EIF2B3: variants seen among roughly 807,000 people sequenced by gnomAD.
The protein encoded by EIF2B3 is translation initiation factor eIF2B subunit gamma.
EIF2B3 carries 20 observed loss-of-function variants against 54.1 expected under a neutral mutation model. That is an observed-to-expected ratio of 0.37 (90% CI 0.26 to 0.54). The LOEUF (loss-of-function observed/expected upper bound fraction) is 0.54. EIF2B3 is among the 20% of genes least tolerant of loss of function. The pLI, the probability that EIF2B3 is intolerant of heterozygous loss-of-function variation, is 0.86. For synonymous variants in EIF2B3, 153 were observed against 188.1 expected, an observed-to-expected ratio of 0.81 and a Z score of 1.52; for missense variants, 448 against 547.8, an observed-to-expected ratio of 0.82 and a Z score of 1.82.
chr1:44,942,981 G>A (rs935729268), intron 3 of EIF2B3, among the ~76,000 whole-genome samples: 1 of 151,586 alleles, frequency 6.6e-6, no homozygotes, highest in Admixed American at 6.6e-5. Context: ...TCAGCCTCCT[G>A]AGTAGCTGGG....
At chr1:44,916,263 C>T (rs1323248018) in intron 5 of EIF2B3, among the ~76,000 whole-genome samples, 1 of 151,998 alleles carries the variant, frequency 6.6e-6, no homozygotes, top group African/African-American at 2.4e-5. Context: ...TCTCTGTTGT[C>T]CAGGCTAGAG....
rs576192741 is a variant in EIF2B3, at chr1:44,941,674, T to C, written c.295-9A>G. ...AGCACCAGCACATCTGTCTGTTAAA[T>C]GGAGATGGGAAAAGTCAATATCATA... On this transcript the variant is annotated splice_polypyrimidine_tract_variant and intron_variant, in intron 3 of 11. Coordinates refer to ENST00000360403, the MANE Select transcript of EIF2B3 (RefSeq NM_020365.5). 21 of 1,614,094 alleles carry C rather than the reference T, an allele frequency of 1.3e-5. No individual in the cohort carries two copies. Among genetic ancestry groups the C allele is most frequent in the Non-Finnish European group, 1.7e-5 (20 of 1,180,020 alleles).
chr1:44,857,526 C>T (rs918699017), intron 11 of EIF2B3, among the ~76,000 whole-genome samples, 178 bp downstream of exon 11: 31 of 146,404 alleles, frequency 2.1e-4, no homozygotes, highest in African/African-American at 7.8e-4. Context: ...AGTGAAACTC[C>T]GAAAAAAAAA....
chr1:44,859,232 T>C (rs1233022858), intron 10 of EIF2B3, among the ~76,000 whole-genome samples: 1 of 151,992 alleles, frequency 6.6e-6, no homozygotes, highest in Non-Finnish European at 1.5e-5. Flanking sequence ...GCAAAGGAGG[T>C]AGAGGCTGCA....
intron 3 of EIF2B3, among the ~76,000 whole-genome samples, chr1:44,965,204 T>C (rs1417236727): frequency 6.6e-6 from 1 of 152,234 alleles, no homozygotes; most frequent in East Asian, 1.9e-4. Flanking sequence ...ACAAGGATAC[T>C]ACATGAGTCC....
At chr1:44,927,194 A>AC (rs1335006865) in intron 4 of EIF2B3, among the ~76,000 whole-genome samples, 1 of 152,046 alleles carries the variant, frequency 6.6e-6, no homozygotes, top group Non-Finnish European at 1.5e-5. Flanking sequence ...GCGTTAGGCC[A>AC]TTTTGCGTTA....
chr1:44,962,300 G>T (rs1292871775), intron 3 of EIF2B3, among the ~76,000 whole-genome samples: 1 of 151,788 alleles, frequency 6.6e-6, no homozygotes, highest in Non-Finnish European at 1.5e-5. Context: ...GTAAACTTAG[G>T]GCTTGTTGGA....
rs1279603294 is a variant in EIF2B3, at chr1:44,869,492, TTTA to T, written c.1202+5183_1202+5185del. Among the ~76,000 whole-genome samples, 590 of 150,916 alleles carry T rather than the reference TTTA, an allele frequency of 3.9e-3. 2 individuals are homozygous for T. The highest frequency in any genetic ancestry group is 0.013 in the African/African-American group (519 of 40,962). On this transcript the variant is annotated intron_variant, in intron 10 of 11. Coordinates refer to ENST00000360403, the MANE Select transcript of EIF2B3 (RefSeq NM_020365.5). ...GACTATCTCGGAAAAAAAAAAAAGCTTTATATTTACTAACTAATTTAGTACTCC... is the reference window on the plus strand; with the variant it reads ...GACTATCTCGGAAAAAAAAAAAAGCTTATTTACTAACTAATTTAGTACTCC...
chr1:44,919,883 C>CTTTTTTTTTTTTTTTTTTTTTT (rs1194645004), intron 5 of EIF2B3, among the ~76,000 whole-genome samples: 2 of 117,240 alleles, frequency 1.7e-5, no homozygotes, highest in Admixed American at 8.9e-5. Context: ...TGCCTGGCTA[C>CTTTTTTTTTTTTTTTTTTTTTT]TTTTTTTTTT....
intron 4 of EIF2B3, among the ~76,000 whole-genome samples, chr1:44,928,807 A>G (rs1643874753): frequency 6.6e-6 from 1 of 152,222 alleles, no homozygotes; most frequent in Admixed American, 6.5e-5. Context: ...GTACAGTGTT[A>G]CATACTTAAT....
intron 3 of EIF2B3, chr1:44,958,743 C>T (rs1644254217): frequency 2.2e-5 from 34 of 1,564,484 alleles, no homozygotes; most frequent in Middle Eastern, 1.7e-4. Context: ...AGATATTGTC[C>T]GCACAGAACT....
At chr1:44,862,262 A>G (rs1654632753) in intron 10 of EIF2B3, among the ~76,000 whole-genome samples, 1 of 152,228 alleles carries the variant, frequency 6.6e-6, no homozygotes, top group African/African-American at 2.4e-5. Flanking sequence ...GACGCTGCTC[A>G]GTGATGGCTA....
chr1:44,898,586 G>C (rs1051740519), intron 5 of EIF2B3, among the ~76,000 whole-genome samples: 1 of 151,918 alleles, frequency 6.6e-6, no homozygotes, highest in Non-Finnish European at 1.5e-5. Flanking sequence ...ACAGGGAAGG[G>C]GAGTATGGTT....
intron 3 of EIF2B3, among the ~76,000 whole-genome samples, chr1:44,946,973 C>T (rs1644109482): frequency 6.6e-6 from 1 of 152,196 alleles, no homozygotes; most frequent in South Asian, 2.1e-4. Context: ...TGTGAAGCAA[C>T]TGTGTGTCAG....
chr1:44,950,012 A>AT lies in EIF2B3; in HGVS notation c.295-8348dup, dbSNP rs546912422. On this transcript the variant is annotated intron_variant, in intron 3 of 11. Transcript: ENST00000360403. ...TATGCAATTTAATTTTCATCTCTAA[A>AT]TGCACTGACTTGGAATAGAAAAAAA... Among the ~76,000 whole-genome samples the AT allele has an allele frequency of 1.5e-4, 23 of 152,292 alleles. No homozygotes were observed. In the South Asian group the frequency reaches 4.8e-3, roughly 32 times the overall value.
chr1:44,921,390 T>C (rs934816018), intron 5 of EIF2B3, among the ~76,000 whole-genome samples: 1 of 152,242 alleles, frequency 6.6e-6, no homozygotes, highest in African/African-American at 2.4e-5. Flanking sequence ...GCTTTTTAAC[T>C]TGATATGATC....
At chr1:44,940,062 C>T (rs938848974) in intron 4 of EIF2B3, among the ~76,000 whole-genome samples, 2 of 152,090 alleles carry the variant, frequency 1.3e-5, no homozygotes, top group Non-Finnish European at 2.9e-5. Context: ...TTAATCTGCA[C>T]CAGTGATCAT....
intron 3 of EIF2B3, among the ~76,000 whole-genome samples, chr1:44,972,321 A>C (rs1644409320): frequency 6.8e-6 from 1 of 146,938 alleles, no homozygotes; most frequent in Admixed American, 6.8e-5. Context: ...ATATATATAT[A>C]TCCAGGCACG....
chr1:44,878,844 T>C (rs1655285139), intron 8 of EIF2B3, among the ~76,000 whole-genome samples: 1 of 151,826 alleles, frequency 6.6e-6, no homozygotes, highest in Non-Finnish European at 1.5e-5. Context: ...CTGCAACCTC[T>C]GCATTCCAGG....
Sources: gnomAD v4.1 joint callset for allele counts (sites outside exome capture counted in the v4.1 genomes callset) on GRCh38, gnomAD v4.1.1 for gene constraint, MANE v1.5 for transcripts, NCBI Gene and HGNC (gene_info 2026-07-23, HGNC 2026-07-21) for gene names.